The following RBFOX1 variants were observed in gnomAD, a reference collection of about 807,000 sequenced individuals.
RBFOX1 encodes RNA binding fox-1 homolog 1.
RBFOX1 carries 8 observed loss-of-function variants against 57.7 expected under a neutral mutation model. The observed-to-expected ratio is 0.14, with a 90% confidence interval of 0.08 to 0.25. The LOEUF is 0.25. Ranked by LOEUF, RBFOX1 falls within the 10% of genes least tolerant of loss-of-function variation. RBFOX1 has a pLI of 1.00. For missense variants in RBFOX1, 611 were observed against 548.5 expected (o/e 1.11, Z -1.14); for synonymous variants, 326 against 222.4 (o/e 1.47, Z -4.15).
At chr16:5,405,999 A>G (rs1399536097) in intron 1 of RBFOX1, among the ~76,000 whole-genome samples, 1 of 152,174 alleles carries the variant, frequency 6.6e-6, no homozygotes, top group Non-Finnish European at 1.5e-5. Flanking sequence ...TGGACATCCT[A>G]TTACATAAAA....
chr16:7,255,677 T>C (rs2094648452), intron 4 of RBFOX1, among the ~76,000 whole-genome samples: 1 of 152,220 alleles, frequency 6.6e-6, no homozygotes, highest in Non-Finnish European at 1.5e-5. Context: ...GTAATTTTTT[T>C]AGTGGTTGAA....
intron 2 of RBFOX1, among the ~76,000 whole-genome samples, chr16:6,330,744 T>G (rs2082923882): frequency 6.6e-6 from 1 of 152,152 alleles, no homozygotes; most frequent in Admixed American, 6.6e-5. Context: ...ATAGTATAAT[T>G]ACAAATCACA....
chr16:6,784,322 C>A (rs545486130), intron 3 of RBFOX1, among the ~76,000 whole-genome samples: 56 of 152,010 alleles, frequency 3.7e-4, no homozygotes, highest in Middle Eastern at 3.4e-3. Flanking sequence ...CTTTTTTTCT[C>A]TACAGACTGT....
chr16:5,285,404 C>T (rs552994196), intron 1 of RBFOX1, among the ~76,000 whole-genome samples: 3 of 152,064 alleles, frequency 2.0e-5, no homozygotes, highest in Non-Finnish European at 4.4e-5. Context: ...TTATATCTCC[C>T]TGAGTTTCTT....
At chr16:7,464,127 C>G (rs1013493679) in intron 4 of RBFOX1, among the ~76,000 whole-genome samples, 1 of 152,190 alleles carries the variant, frequency 6.6e-6, no homozygotes, top group Admixed American at 6.5e-5. Context: ...CCTTCTGGTG[C>G]TCAATGGCTC....
chr16:5,312,235 A>G lies in RBFOX1; in HGVS notation c.219+72130A>G, dbSNP rs567731823. 3.0e-4 allele frequency among the ~76,000 whole-genome samples: 45 copies of G among 152,374 alleles called. No homozygotes were observed. In the South Asian group the frequency reaches 9.3e-3, roughly 32 times the overall value. On this transcript the variant is annotated intron_variant, in intron 1 of 2. Transcript: ENST00000585867. Reference sequence around the variant, plus strand: ...GGTGAAAGAGGGTCTCTGAAGCACAACTGAGAACATGTAGGGAGGTATCCT... The same window carrying G: ...GGTGAAAGAGGGTCTCTGAAGCACAGCTGAGAACATGTAGGGAGGTATCCT...
intron 3 of RBFOX1, among the ~76,000 whole-genome samples, chr16:5,760,561 A>C (rs967668658): frequency 6.6e-6 from 1 of 152,172 alleles, no homozygotes; most frequent in Non-Finnish European, 1.5e-5. Flanking sequence ...ATACCACAGA[A>C]CACTATTTAG....
chr16:7,677,843 A>G (rs1266673080), intron 14 of RBFOX1, among the ~76,000 whole-genome samples: 1 of 151,958 alleles, frequency 6.6e-6, no homozygotes, highest in African/African-American at 2.4e-5. Context: ...GATGTATTTG[A>G]CTCCTGAATG....
chr16:7,444,607 A>T (rs1276227841), intron 4 of RBFOX1, among the ~76,000 whole-genome samples: 2 of 151,978 alleles, frequency 1.3e-5, no homozygotes. Flanking sequence ...ATCCTAGCTC[A>T]CTGCAGCCTC....
intron 1 of RBFOX1, among the ~76,000 whole-genome samples, chr16:6,255,668 A>G (rs2097656625): frequency 1.3e-5 from 2 of 152,104 alleles, no homozygotes; most frequent in African/African-American, 4.8e-5. Flanking sequence ...CGGATTGGAT[A>G]AAGAAAATAT....
chr16:7,669,315 AG>A (rs1335985987), intron 13 of RBFOX1, among the ~76,000 whole-genome samples: 1 of 152,240 alleles, frequency 6.6e-6, no homozygotes, highest in African/African-American at 2.4e-5. Context: ...GAGACCAAAA[AG>A]TATAGCATTT....
At chr16:6,553,263 A>G (rs1022275796) in intron 2 of RBFOX1, among the ~76,000 whole-genome samples, 9 of 152,226 alleles carry the variant, frequency 5.9e-5, no homozygotes, top group African/African-American at 2.2e-4. Context: ...AATAGTTTCC[A>G]TGAAGTTGCC....
At chr16:5,934,271 C>T (rs977408028) in intron 4 of RBFOX1, among the ~76,000 whole-genome samples, 1 of 152,234 alleles carries the variant, frequency 6.6e-6, no homozygotes, top group African/African-American at 2.4e-5. Flanking sequence ...TCCCCAGCTT[C>T]CCTTTACTAC....
intron 3 of RBFOX1, among the ~76,000 whole-genome samples, chr16:5,631,881 G>C (rs1463433120): frequency 2.0e-5 from 3 of 152,164 alleles, no homozygotes; most frequent in South Asian, 2.1e-4. Flanking sequence ...TTTCTGGGAT[G>C]GACACTGGGG....
In RBFOX1 at chr16:7,416,150, A is replaced by T. The variant is rs115370424; in HGVS notation, c.28-101997A>T. On this transcript the variant is annotated intron_variant, in intron 4 of 15. Coordinates refer to ENST00000550418, the MANE Select transcript of RBFOX1 (RefSeq NM_018723.4). ...TCCATGGAGCTGTAATATTTGCCCA[A>T]TGATGAGCTCCATTCAGCAGTTTGT... Among the ~76,000 whole-genome samples the T allele has an allele frequency of 1.3e-3, 200 of 152,332 alleles. 1 individual carries two copies. The highest frequency in any genetic ancestry group is 4.5e-3 in the African/African-American group (188 of 41,570).
chr16:5,380,944 T>A (rs1369307806), intron 1 of RBFOX1, among the ~76,000 whole-genome samples: 1 of 152,238 alleles, frequency 6.6e-6, no homozygotes, highest in Non-Finnish European at 1.5e-5. Flanking sequence ...TGCACTAAAA[T>A]GGCACTGCCC....
rs748126355 is a variant in RBFOX1, at chr16:6,595,799, A to G, written c.-63-58804A>G. Among the ~76,000 whole-genome samples, 12 of 152,232 alleles carry G rather than the reference A, an allele frequency of 7.9e-5. 1 individual carries two copies. The highest frequency in any genetic ancestry group is 6.2e-4 in the South Asian group (3 of 4,820). On this transcript the variant is annotated intron_variant, in intron 2 of 15. Transcript: ENST00000550418. The stretch of plus-strand genomic sequence containing the variant: ...CATGGATTTGACTTGCATTTCCCTA[A>G]TGATTACTGGCATTAAGCATCTTTT...
chr16:5,852,988 G>A (rs1057217179), intron 3 of RBFOX1, among the ~76,000 whole-genome samples: 15 of 152,126 alleles, frequency 9.9e-5, no homozygotes, highest in African/African-American at 3.6e-4. Flanking sequence ...TCTGAGTGCA[G>A]AAGACTTTTC....
chr16:6,478,408 TATATATATATATA>T (rs2095310568), intron 2 of RBFOX1, among the ~76,000 whole-genome samples: 16 of 22,332 alleles, frequency 7.2e-4, no homozygotes, highest in Non-Finnish European at 9.6e-4. Context: ...TATATATATA[TATATATATATATA>T]TATATATATT....
Sources: allele counts gnomAD v4.1 joint callset (sites outside exome capture counted in the v4.1 genomes callset), GRCh38; gene constraint gnomAD v4.1.1; transcripts MANE v1.5; gene names NCBI Gene and HGNC (gene_info 2026-07-23, HGNC 2026-07-21).